Variants in GRM8 observed in about 807,000 individuals in gnomAD.
The protein encoded by GRM8 is glutamate metabotropic receptor 8.
In GRM8, 47 loss-of-function variants were observed where a neutral mutation model predicts 87.2. That is an observed-to-expected ratio of 0.54 (90% CI 0.43 to 0.69). The LOEUF (loss-of-function observed/expected upper bound fraction) is 0.69, where lower values mean the gene tolerates loss of function less well. Among genes scored for constraint, GRM8 ranks in the 30% least tolerant of loss-of-function variants. The pLI, the probability that GRM8 is intolerant of heterozygous loss-of-function variation, is 0.00. For synonymous variants in GRM8, 396 were observed against 404.5 expected, an observed-to-expected ratio of 0.98 and a Z score of 0.25; for missense variants, 1,019 against 1,139.2, an observed-to-expected ratio of 0.89 and a Z score of 1.52.
intron 2 of GRM8, among the ~76,000 whole-genome samples, chr7:127,186,745 T>C (rs1434570838): frequency 1.3e-5 from 2 of 152,204 alleles, no homozygotes; most frequent in Non-Finnish European, 2.9e-5. Flanking sequence ...TCAGTTGTAA[T>C]GCAAGAGATC....
intron 7 of GRM8, among the ~76,000 whole-genome samples, chr7:126,624,262 T>G (rs1306242813): frequency 6.6e-6 from 1 of 152,220 alleles, no homozygotes; most frequent in Non-Finnish European, 1.5e-5. Context: ...TATCTGATCT[T>G]GCTCATTTTC....
chr7:126,564,357 C>T (rs1442539904), intron 8 of GRM8, among the ~76,000 whole-genome samples: 1 of 152,186 alleles, frequency 6.6e-6, no homozygotes, highest in Non-Finnish European at 1.5e-5. Context: ...TGGTTACCAG[C>T]ATATGGAACC....
intron 9 of GRM8, chr7:126,512,978 C>T (rs1656313453): frequency 6.6e-6 from 1 of 152,060 alleles, no homozygotes; most frequent in South Asian, 2.1e-4. Flanking sequence ...GACCACAACA[C>T]CAAAAGCTAC....
chr7:126,988,450 A>C (rs1812327356), intron 3 of GRM8, among the ~76,000 whole-genome samples: 1 of 152,238 alleles, frequency 6.6e-6, no homozygotes, highest in African/African-American at 2.4e-5. Flanking sequence ...TAGTTATAAA[A>C]GTCCTACTAA....
chr7:126,704,423 G>C (rs1810268550), intron 7 of GRM8, among the ~76,000 whole-genome samples: 1 of 152,164 alleles, frequency 6.6e-6, no homozygotes, highest in Admixed American at 6.5e-5. Flanking sequence ...TGTAGAGCAT[G>C]TGTGTTTGAA....
intron 2 of GRM8, among the ~76,000 whole-genome samples, chr7:127,134,977 A>G (rs1294903999): frequency 1.4e-4 from 22 of 152,168 alleles, no homozygotes. Flanking sequence ...TGATGAAAAT[A>G]TAATAGGCAA....
intron 9 of GRM8, among the ~76,000 whole-genome samples, chr7:126,463,957 C>T (rs1804196851): frequency 6.6e-6 from 1 of 151,524 alleles, no homozygotes; most frequent in African/African-American, 2.4e-5. Context: ...TGCCATTATG[C>T]TGTGTTTCTA....
intron 6 of GRM8, among the ~76,000 whole-genome samples, chr7:126,789,505 A>G (rs1311069652): frequency 1.3e-5 from 2 of 152,152 alleles, no homozygotes; most frequent in Non-Finnish European, 2.9e-5. Context: ...ACCAGCATCC[A>G]TAGGTACAGG....
intron 8 of GRM8, among the ~76,000 whole-genome samples, chr7:126,582,837 A>G (rs1795735975): frequency 6.6e-6 from 1 of 152,192 alleles, no homozygotes; most frequent in Non-Finnish European, 1.5e-5. Flanking sequence ...GTTGGTTTAC[A>G]ACATGGTTTA....
intron 2 of GRM8, among the ~76,000 whole-genome samples, chr7:127,175,141 T>C (rs965938290): frequency 1.3e-5 from 2 of 152,154 alleles, no homozygotes; most frequent in Non-Finnish European, 2.9e-5. Flanking sequence ...TTAGACAGCA[T>C]GCAAGAACAG....
chr7:126,848,703 C>A (rs1042061097), intron 6 of GRM8, among the ~76,000 whole-genome samples: 6 of 151,954 alleles, frequency 3.9e-5, no homozygotes, highest in African/African-American at 1.5e-4. Flanking sequence ...TGCCTGTAGT[C>A]CCAGCTATAT....
chr7:126,670,239 C>T lies in GRM8; in HGVS notation c.1358-60741G>A, dbSNP rs559570685. Among the ~76,000 whole-genome samples, 9 of 152,234 alleles carry T rather than the reference C, an allele frequency of 5.9e-5. No individual in the cohort carries two copies. In the East Asian group the frequency reaches 1.5e-3, roughly 26 times the overall value. On this transcript the variant is annotated intron_variant, in intron 7 of 10. Coordinates refer to ENST00000339582, the MANE Select transcript of GRM8 (RefSeq NM_000845.3). ...GTTTCAAAATTGTCTTCCCTGGCAC[C>T]TGGTTTTTTGAATACTTCAGAGGGC...
chr7:127,133,706 CAAA>C (rs137900224), intron 2 of GRM8, among the ~76,000 whole-genome samples: 226 of 98,778 alleles, frequency 2.3e-3, no homozygotes, highest in African/African-American at 2.6e-3. Context: ...ACTCCCTCTC[CAAA>C]AAAAAAAAAA....
At chr7:126,826,411 T>C (rs567035516) in intron 6 of GRM8, among the ~76,000 whole-genome samples, 26 of 152,326 alleles carry the variant, frequency 1.7e-4, no homozygotes, top group Middle Eastern at 6.8e-3. Context: ...TGATTGCCAT[T>C]CTAACTGGTG....
rs141028040 is a variant in GRM8, at chr7:127,059,819, A to T, written c.727+46677T>A. 1.1e-4 allele frequency among the ~76,000 whole-genome samples: 17 copies of T among 152,304 alleles called. No homozygotes were observed. The East Asian group carries it at 3.1e-3, about 28-fold the overall frequency. ...CTTCTCTCTTTGTAACCAAATAAAAACTGAAAATCAAAGCCACTTGTACTT... is the reference window on the plus strand; with the variant it reads ...CTTCTCTCTTTGTAACCAAATAAAATCTGAAAATCAAAGCCACTTGTACTT... On this transcript the variant is annotated intron_variant, in intron 3 of 10. Transcript: ENST00000339582.
chr7:127,176,553 C>T (rs1224774250), intron 2 of GRM8, among the ~76,000 whole-genome samples: 5 of 152,270 alleles, frequency 3.3e-5, no homozygotes, highest in Middle Eastern at 3.4e-3. Flanking sequence ...AGCTCCAGAA[C>T]GACTGCAATT....
intron 8 of GRM8, among the ~76,000 whole-genome samples, chr7:126,558,026 A>T (rs1028447288): frequency 1.3e-5 from 2 of 152,174 alleles, no homozygotes; most frequent in Admixed American, 1.3e-4. Flanking sequence ...CTGTTACTGG[A>T]TTTGAAGAAT....
chr7:127,166,331 A>C (rs1793452036), intron 2 of GRM8, among the ~76,000 whole-genome samples: 1 of 152,138 alleles, frequency 6.6e-6, no homozygotes, highest in South Asian at 2.1e-4. Context: ...AGATTAGAAA[A>C]CATAAAAGGC....
At chr7:127,117,400 A>G (rs1826759509) in intron 2 of GRM8, among the ~76,000 whole-genome samples, 1 of 152,326 alleles carries the variant, frequency 6.6e-6, no homozygotes, top group Admixed American at 6.5e-5. Context: ...CATCCCAGGG[A>G]GACATGGAGA....
Sources: gnomAD v4.1 joint callset for allele counts (sites outside exome capture counted in the v4.1 genomes callset) on GRCh38, gnomAD v4.1.1 for gene constraint, MANE v1.5 for transcripts, NCBI Gene and HGNC (gene_info 2026-07-23, HGNC 2026-07-21) for gene names.